The following STK31 variants were observed in gnomAD, a reference collection of about 807,000 sequenced individuals.
The protein encoded by STK31 is serine/threonine-protein kinase 31.
Under a neutral mutation model 129.7 loss-of-function variants are expected in STK31, and 89 were observed. The observed-to-expected ratio is 0.69, with a 90% confidence interval of 0.58 to 0.82. The LOEUF (loss-of-function observed/expected upper bound fraction) is 0.82. Among genes scored for constraint, STK31 ranks in the 40% least tolerant of loss-of-function variants. The probability of loss-of-function intolerance (pLI) is 0.00; values close to 1 mark genes in which losing one functional copy is unlikely to be tolerated. For synonymous variants in STK31, 448 were observed against 395.3 expected (o/e 1.13, Z -1.58); for missense variants, 1,187 against 1,176.4 (o/e 1.01, Z -0.13).
chr7:23,784,609 TTAACTG>T (rs1791146805), intron 17 of STK31, among the ~76,000 whole-genome samples: 1 of 152,176 alleles, frequency 6.6e-6, no homozygotes, highest in Non-Finnish European at 1.5e-5. Flanking sequence ...TTTCTGATGT[TTAACTG>T]TAATGTATGC....
At chr7:23,761,143 A>C (rs1042378890) in intron 10 of STK31, among the ~76,000 whole-genome samples, 5 of 152,230 alleles carry the variant, frequency 3.3e-5, no homozygotes, top group Admixed American at 1.3e-4. Flanking sequence ...GCATAGTGAA[A>C]GTATTCAGGA....
chr7:23,760,656 T>A (rs1688176493), intron 10 of STK31, among the ~76,000 whole-genome samples: 2 of 152,166 alleles, frequency 1.3e-5, no homozygotes, highest in African/African-American at 4.8e-5. Context: ...TTTTTTAAAA[T>A]TAAAAAATTA....
Position 23,781,476 on chromosome 7 carries a change from C to A in STK31, c.2023C>A (p.Arg675Ser), listed in dbSNP as rs140352990. The A allele has an allele frequency of 1.2e-5, 19 of 1,611,436 alleles. No individual in the cohort carries two copies. In the East Asian group the frequency reaches 4.0e-4, roughly 34 times the overall value. The change falls in exon 16 of 24, where the codon CGC (arginine) becomes AGC (serine). Residue 675 changes from arginine to serine, a missense_variant. Coordinates refer to ENST00000355870, the MANE Select transcript of STK31 (RefSeq NM_031414.5). ...AATAAAAGAAGAAATAACTCAGCTG[C>A]GCAATAATGTCTTTCAGGAAATTTA... ...EKIKEEITQL[R>S]NNVFQEIYHE...
At chr7:23,751,090 T>G (rs535158146) in intron 8 of STK31, among the ~76,000 whole-genome samples, 1 of 152,318 alleles carries the variant, frequency 6.6e-6, no homozygotes, top group Non-Finnish European at 1.5e-5. Context: ...GAGATCAACT[T>G]TTTTTAGCTC....
rs561028736 is a variant in STK31 at position 23,712,268 on chromosome 7, A to G, written c.132A>G (p.Ala44=). ...EDVVGSHIED[A]VTFWAQSINR... ...TGGTTGGAAGTCACATAGAAGATGC[A>G]GTAACATTTTGGGCCCAGGTAAATA... Residue 44 remains alanine, a synonymous_variant, in exon 3 of 24, where the codon GCA becomes GCG. Coordinates refer to ENST00000355870, the MANE Select transcript of STK31 (RefSeq NM_031414.5). The G allele has an allele frequency of 2.2e-5, 35 of 1,614,104 alleles. No homozygotes were observed. The South Asian group carries it at 3.4e-4, about 16-fold the overall frequency.
chr7:23,826,415 T>C (rs1157892191), intron 23 of STK31, among the ~76,000 whole-genome samples: 1 of 152,182 alleles, frequency 6.6e-6, no homozygotes, highest in Non-Finnish European at 1.5e-5. Context: ...AGACTAGGAT[T>C]GCAACCCCTG....
At chr7:23,827,286 T>C (rs1311090945) in intron 23 of STK31, among the ~76,000 whole-genome samples, 1 of 152,192 alleles carries the variant, frequency 6.6e-6, no homozygotes, top group Non-Finnish European at 1.5e-5. Flanking sequence ...CTTGGAGGCT[T>C]TGTTCATTTC....
chr7:23,724,754 C>T (rs1786952055), intron 4 of STK31, among the ~76,000 whole-genome samples: 1 of 152,102 alleles, frequency 6.6e-6, no homozygotes, highest in Admixed American at 6.5e-5. Context: ...CTCTCTCTTG[C>T]CCTTTAGTTG....
Position 23,785,704 on chromosome 7 carries a change from A to ACTGTGTTAGTTAGAAACTAACTAAC in STK31, c.2274+101_2274+102insCTGTGTTAGTTAGAAACTAACTAAC. The ACTGTGTTAGTTAGAAACTAACTAAC allele has an allele frequency of 2.1e-6, 3 of 1,413,604 alleles. No homozygotes were observed. In the African/African-American group the frequency reaches 4.3e-5, roughly 20 times the overall value. The allele number at this position is 1,413,604 out of a possible 1,614,324, so 87.6% of individuals were successfully genotyped here. ...AAAAAACCTCACTGTTAGTTTTCTAAAGTGTATAAGTTGACTGGCATGATA... is the reference window on the plus strand; with the variant it reads ...AAAAAACCTCACTGTTAGTTTTCTAACTGTGTTAGTTAGAAACTAACTAACAGTGTATAAGTTGACTGGCATGATA... On this transcript the variant is annotated intron_variant, in intron 18 of 23. Coordinates refer to ENST00000355870, the MANE Select transcript of STK31 (RefSeq NM_031414.5).
At chr7:23,773,861 G>A (rs1466188842) in intron 15 of STK31, among the ~76,000 whole-genome samples, 1 of 151,814 alleles carries the variant, frequency 6.6e-6, no homozygotes, top group African/African-American at 2.4e-5. Context: ...CATGTGCCAT[G>A]TTGGTTTGCT....
chr7:23,780,583 G>T (rs1790861938), intron 15 of STK31, among the ~76,000 whole-genome samples: 1 of 152,138 alleles, frequency 6.6e-6, no homozygotes, highest in Non-Finnish European at 1.5e-5. Flanking sequence ...TTTGAGAGAG[G>T]GGTAGAGGAA....
intron 23 of STK31, among the ~76,000 whole-genome samples, chr7:23,822,966 T>G (rs892056500): frequency 2.0e-5 from 3 of 152,236 alleles, no homozygotes; most frequent in African/African-American, 7.2e-5. Flanking sequence ...ATGGTGTATA[T>G]GTGCCACATT....
rs777482829 is a variant in STK31, at chr7:23,771,085, C to G, written c.1794C>G (p.Leu598=). The change falls in exon 14 of 24, where the codon CTC becomes CTG. Residue 598 remains leucine, a synonymous_variant. Coordinates refer to ENST00000355870, the MANE Select transcript of STK31 (RefSeq NM_031414.5). ...VLQKIHSEER[L]IATVQAKYKD... is the part of the protein sequence containing the mutation. Reference sequence around the variant, plus strand: ...AAAAGATTCATTCAGAGGAAAGGCTCATTGCCACAGTACAAGCTAAGTACA... The same window carrying G: ...AAAAGATTCATTCAGAGGAAAGGCTGATTGCCACAGTACAAGCTAAGTACA... 3 of 1,612,708 alleles carry G rather than the reference C, an allele frequency of 1.9e-6. No individual in the cohort carries two copies. In the Admixed American group the frequency reaches 5.0e-5, roughly 27 times the overall value.
chr7:23,768,887 A>G lies in STK31; in HGVS notation c.1417-108A>G, dbSNP rs62468659. ...CTAAGTTGTATTTATGAAATTCTCA[A>G]GAATGGGGATTCAGCATACTGCTTT... On this transcript the variant is annotated intron_variant, in intron 11 of 23. Coordinates refer to ENST00000355870, the MANE Select transcript of STK31 (RefSeq NM_031414.5). The G allele has an allele frequency of 0.25, 224,348 of 891,972 alleles. 30,041 individuals are homozygous for G. Among genetic ancestry groups the G allele is most frequent in the Middle Eastern group, 0.33 (847 of 2,544 alleles). 55.3% of individuals were successfully genotyped at this position (891,972 alleles called of 1,614,324 possible).
intron 15 of STK31, among the ~76,000 whole-genome samples, chr7:23,777,357 A>G (rs1790619144): frequency 6.6e-6 from 1 of 152,170 alleles, no homozygotes; most frequent in Non-Finnish European, 1.5e-5. Flanking sequence ...TCCAGAGTTG[A>G]GTTCAAGTCC....
chr7:23,714,980 C>T (rs1273873763), intron 3 of STK31, among the ~76,000 whole-genome samples: 1 of 152,146 alleles, frequency 6.6e-6, no homozygotes, highest in Non-Finnish European at 1.5e-5. Context: ...TGAGTTAAAC[C>T]ATGAAGTTGA....
intron 22 of STK31, among the ~76,000 whole-genome samples, chr7:23,792,328 C>A (rs976337226): frequency 4.0e-5 from 6 of 151,828 alleles, no homozygotes; most frequent in Non-Finnish European, 8.8e-5. Context: ...ATATAAGCAA[C>A]AAATAATAGG....
chr7:23,772,862 A>C (rs190684370), intron 15 of STK31, among the ~76,000 whole-genome samples: 5 of 152,298 alleles, frequency 3.3e-5, no homozygotes, highest in African/African-American at 1.2e-4. Flanking sequence ...ATTTATGTAC[A>C]AGGATCTGTA....
At chr7:23,810,836 ATT>A (rs1318393071) in intron 22 of STK31, among the ~76,000 whole-genome samples, 2 of 141,420 alleles carry the variant, frequency 1.4e-5, no homozygotes, top group African/African-American at 2.6e-5. Flanking sequence ...ATAAATATAT[ATT>A]TGTATATAAA....
Sources: gnomAD v4.1 joint callset for allele counts (sites outside exome capture counted in the v4.1 genomes callset) on GRCh38, gnomAD v4.1.1 for gene constraint, MANE v1.5 for transcripts, NCBI Gene and HGNC (gene_info 2026-07-23, HGNC 2026-07-21) for gene names.